RPS6KC1: variants seen among roughly 807,000 people sequenced by gnomAD.
RPS6KC1 encodes the protein inactive ribosomal protein S6 kinase delta-1.
Under a neutral mutation model 103.8 loss-of-function variants are expected in RPS6KC1, and 54 were observed. That is an observed-to-expected ratio of 0.52 (90% confidence interval 0.42 to 0.65). The LOEUF is 0.65. RPS6KC1 is among the 30% of genes least tolerant of loss of function. RPS6KC1 has a pLI of 0.00. For synonymous variants in RPS6KC1, 439 were observed against 438.7 expected (o/e 1.00, Z -0.01); for missense variants, 1,151 against 1,253.8 (o/e 0.92, Z 1.24).
chr1:213,384,851 G>A, the RPS6KC1 span, among the ~76,000 whole-genome samples: 9 of 152,336 alleles, frequency 5.9e-5, no homozygotes, highest in African/African-American at 1.7e-4. Flanking sequence ...CATAGGTGAG[G>A]ACATTGAAGC....
chr1:213,404,343 A>C, the RPS6KC1 span, among the ~76,000 whole-genome samples: 1 of 152,190 alleles, frequency 6.6e-6, no homozygotes, highest in Non-Finnish European at 1.5e-5. Context: ...GGCCAGGTAG[A>C]GGGGACCTAG....
chr1:213,672,022 A>G, the RPS6KC1 span, among the ~76,000 whole-genome samples: 1 of 151,856 alleles, frequency 6.6e-6, no homozygotes, highest in East Asian at 1.9e-4. Context: ...CCCTACCCAC[A>G]CAGGTCACTT....
At chr1:213,499,416 C>T in the RPS6KC1 span, among the ~76,000 whole-genome samples, 4 of 152,162 alleles carry the variant, frequency 2.6e-5, no homozygotes, top group Non-Finnish European at 4.4e-5. Flanking sequence ...CGTAGTAGGT[C>T]GGAGTGGTGG....
the RPS6KC1 span, among the ~76,000 whole-genome samples, chr1:213,281,307 G>A: frequency 6.6e-6 from 1 of 152,226 alleles, no homozygotes; most frequent in African/African-American, 2.4e-5. Flanking sequence ...TGGGGGAAAG[G>A]GGACACTGGA....
chr1:213,668,819 A>C, the RPS6KC1 span, among the ~76,000 whole-genome samples: 1 of 152,168 alleles, frequency 6.6e-6, no homozygotes, highest in Non-Finnish European at 1.5e-5. Context: ...CTATATCAAC[A>C]CTTGCTGCCT....
intron 6 of RPS6KC1, among the ~76,000 whole-genome samples, chr1:213,154,692 A>C (rs2089670559): frequency 6.6e-6 from 1 of 152,210 alleles, no homozygotes; most frequent in South Asian, 2.1e-4. Context: ...AATGCTGTTC[A>C]ATAGTCAAGG....
the RPS6KC1 span, among the ~76,000 whole-genome samples, chr1:213,695,674 G>A: frequency 6.6e-6 from 1 of 152,238 alleles, no homozygotes; most frequent in Non-Finnish European, 1.5e-5. Flanking sequence ...CTTTCAATAG[G>A]CTAGACTTCC....
At chr1:213,141,744 T>C (rs532853712) in intron 6 of RPS6KC1, among the ~76,000 whole-genome samples, 19 of 152,068 alleles carry the variant, frequency 1.2e-4, no homozygotes, top group Non-Finnish European at 2.8e-4. Context: ...ATCTGACTTT[T>C]TAATGTGGAT....
At chr1:213,703,011 C>T in the RPS6KC1 span, among the ~76,000 whole-genome samples, 1 of 152,008 alleles carries the variant, frequency 6.6e-6, no homozygotes, top group Non-Finnish European at 1.5e-5. Flanking sequence ...TTTCTTCCTT[C>T]TGTCTTTCCT....
At chr1:213,711,072 G>T in the RPS6KC1 span, among the ~76,000 whole-genome samples, 1 of 152,146 alleles carries the variant, frequency 6.6e-6, no homozygotes, top group East Asian at 1.9e-4. Flanking sequence ...TGTCTTGCTA[G>T]GTTGGGCAAG....
the RPS6KC1 span, among the ~76,000 whole-genome samples, chr1:213,466,651 C>A: frequency 1.3e-5 from 2 of 152,208 alleles, no homozygotes; most frequent in African/African-American, 4.8e-5. Context: ...TTTCAGGATG[C>A]TCTAAGGCCC....
the RPS6KC1 span, among the ~76,000 whole-genome samples, chr1:213,580,370 T>C: frequency 6.6e-6 from 1 of 152,208 alleles, no homozygotes; most frequent in Middle Eastern, 3.4e-3. Flanking sequence ...AGGAACTGCT[T>C]CTAGTGCAAA....
At chr1:213,148,825 G>A (rs555741381) in intron 6 of RPS6KC1, among the ~76,000 whole-genome samples, 16 of 152,138 alleles carry the variant, frequency 1.1e-4, no homozygotes, top group African/African-American at 3.9e-4. Flanking sequence ...TTTACTTAGA[G>A]ATTTTTTACT....
intron 8 of RPS6KC1, among the ~76,000 whole-genome samples, chr1:213,191,764 C>T (rs572610901): frequency 2.0e-5 from 3 of 152,022 alleles, no homozygotes; most frequent in South Asian, 4.2e-4. Flanking sequence ...CAGTGTGATA[C>T]TAGATATGGG....
chr1:213,702,627 T>C, the RPS6KC1 span, among the ~76,000 whole-genome samples: 10 of 152,126 alleles, frequency 6.6e-5, no homozygotes, highest in African/African-American at 1.9e-4. Flanking sequence ...AAAATTGTTA[T>C]AACTTCTTGC....
chr1:213,380,436 T>A, the RPS6KC1 span, among the ~76,000 whole-genome samples: 1 of 152,086 alleles, frequency 6.6e-6, no homozygotes, highest in African/African-American at 2.4e-5. Flanking sequence ...GATATACATG[T>A]TTACCTGTGT....
At chr1:213,710,292 T>C in the RPS6KC1 span, among the ~76,000 whole-genome samples, 46 of 152,346 alleles carry the variant, frequency 3.0e-4, no homozygotes, top group Middle Eastern at 0.01. Context: ...TCTTTTTTTA[T>C]CTTCGTTGGT....
chr1:213,586,915 C>T, the RPS6KC1 span, among the ~76,000 whole-genome samples: 1 of 152,190 alleles, frequency 6.6e-6, no homozygotes, highest in African/African-American at 2.4e-5. Context: ...GTGTGCCAGC[C>T]AGGCTCAGGT....
chr1:213,514,267 A>T, the RPS6KC1 span, among the ~76,000 whole-genome samples: 11 of 152,176 alleles, frequency 7.2e-5, no homozygotes, highest in Non-Finnish European at 1.3e-4. Flanking sequence ...TTTAGGGTAC[A>T]TGTGCACAAC....
Sources: allele counts gnomAD v4.1 joint callset (sites outside exome capture counted in the v4.1 genomes callset), GRCh38; gene constraint gnomAD v4.1.1; transcripts MANE v1.5; gene names NCBI Gene and HGNC (gene_info 2026-07-23, HGNC 2026-07-21).